Variants in SLC20A2 observed in about 807,000 individuals in gnomAD.
The protein encoded by SLC20A2 is sodium-dependent phosphate transporter 2.
In SLC20A2, 30 loss-of-function variants were observed where a neutral mutation model predicts 61.0. That is an observed-to-expected ratio of 0.49 (90% confidence interval 0.37 to 0.67). SLC20A2 has a LOEUF of 0.67. Ranked by LOEUF, SLC20A2 falls within the 30% of genes least tolerant of loss-of-function variation. The pLI is 0.00. For synonymous variants in SLC20A2, 351 were observed against 353.3 expected (o/e 0.99, Z 0.07); for missense variants, 626 against 866.4 (o/e 0.72, Z 3.48).
At chr8:42,451,171 GAGA>G (rs1456277332) in intron 5 of SLC20A2, among the ~76,000 whole-genome samples, 1 of 151,480 alleles carries the variant, frequency 6.6e-6, no homozygotes, top group African/African-American at 2.4e-5. Context: ...GGTGGAAGAA[GAGA>G]AGGAGGAGGA....
chr8:42,536,801 C>T (rs1812730251), intron 1 of SLC20A2, among the ~76,000 whole-genome samples: 1 of 152,124 alleles, frequency 6.6e-6, no homozygotes, highest in African/African-American at 2.4e-5. Flanking sequence ...AGGTTGGGCA[C>T]AGTGGTTCAC....
At chr8:42,429,287 A>G (rs1442017914) in intron 9 of SLC20A2, among the ~76,000 whole-genome samples, 3 of 152,216 alleles carry the variant, frequency 2.0e-5, no homozygotes, top group African/African-American at 7.2e-5. Context: ...GAGAACTTAA[A>G]ACTAGAAATT....
chr8:42,495,931 G>A (rs1809893276), intron 1 of SLC20A2, among the ~76,000 whole-genome samples: 1 of 151,824 alleles, frequency 6.6e-6, no homozygotes, highest in African/African-American at 2.4e-5. Flanking sequence ...TGTATTTTTG[G>A]TAGAGAGGGG....
chr8:42,504,852 CAAAAAAAAAAAAA>C (rs771127709), upstream of SLC20A2, among the ~76,000 whole-genome samples: 17 of 16,494 alleles, frequency 1.0e-3, no homozygotes, highest in South Asian at 0.014. Context: ...GACTCCGTCT[CAAAAAAAAAAAAA>C]AAAAAAAAAA....
At chr8:42,529,475 G>A (rs1455323566) in intron 1 of SLC20A2, among the ~76,000 whole-genome samples, 1 of 152,124 alleles carries the variant, frequency 6.6e-6, no homozygotes, top group African/African-American at 2.4e-5. Flanking sequence ...ATGGGTTAAT[G>A]TATGTCAAGA....
chr8:42,431,462 A>G (rs1803864035), intron 8 of SLC20A2, among the ~76,000 whole-genome samples: 2 of 152,254 alleles, frequency 1.3e-5, no homozygotes, highest in African/African-American at 2.4e-5. Flanking sequence ...TTAAGGAAAG[A>G]AGCCATCCTC....
chr8:42,516,953 A>T (rs1307436956), intron 1 of SLC20A2, among the ~76,000 whole-genome samples: 4 of 151,576 alleles, frequency 2.6e-5, no homozygotes, highest in Non-Finnish European at 5.9e-5. Flanking sequence ...GCCTCAATAA[A>T]CTCTGAGCTA....
intron 5 of SLC20A2, among the ~76,000 whole-genome samples, chr8:42,451,896 A>G (rs868153978): frequency 3.5e-4 from 42 of 118,626 alleles, no homozygotes; most frequent in East Asian, 8.8e-4. Flanking sequence ...ATGAAGAGGA[A>G]GAGGAAGAGA....
intron 1 of SLC20A2, chr8:42,537,805 T>G (rs1812804360): frequency 6.6e-6 from 1 of 152,212 alleles, no homozygotes. Flanking sequence ...CTTACGCTAC[T>G]TTGAAATTTT....
At chr8:42,512,196 T>C (rs1811069815) in intron 1 of SLC20A2, among the ~76,000 whole-genome samples, 1 of 152,176 alleles carries the variant, frequency 6.6e-6, no homozygotes, top group Non-Finnish European at 1.5e-5. Context: ...ATTTCCCACT[T>C]CTTTGACTCA....
At chr8:42,531,243 G>A (rs556999426) in intron 1 of SLC20A2, among the ~76,000 whole-genome samples, 55 of 152,150 alleles carry the variant, frequency 3.6e-4, no homozygotes, top group Non-Finnish European at 6.8e-4. Context: ...GTGGCTTTGC[G>A]GCCATTCTTT....
chr8:42,457,106 T>G (rs1806276803), intron 5 of SLC20A2, among the ~76,000 whole-genome samples: 1 of 151,900 alleles, frequency 6.6e-6, no homozygotes, highest in African/African-American at 2.4e-5. Context: ...GTATTTTTAG[T>G]AGAGATGGGG....
chr8:42,534,699 G>A lies in SLC20A2; in HGVS notation c.-265+7122C>T, dbSNP rs1169801129. 4 of 152,304 alleles carry A rather than the reference G, an allele frequency of 2.6e-5. No individual in the cohort carries two copies. The South Asian group carries it at 8.3e-4, about 32-fold the overall frequency. 9.4% of individuals were successfully genotyped at this position (152,304 alleles called of 1,614,324 possible). A position where few individuals can be genotyped will look rare whatever the true frequency, so the allele number is the denominator to read the frequency against. On this transcript the variant is annotated intron_variant, in intron 1 of 10. Coordinates refer to the SLC20A2 transcript ENST00000342228. ...AAAAACGTAGGCATATACAGAGGCT[G>A]GGAGTAGATAAAGGTGAAATTAAAG...
intron 1 of SLC20A2, among the ~76,000 whole-genome samples, chr8:42,514,979 T>A (rs1811246049): frequency 6.6e-6 from 1 of 152,174 alleles, no homozygotes; most frequent in South Asian, 2.1e-4. Flanking sequence ...GATGACACTA[T>A]CACTTCTAGT....
intron 8 of SLC20A2, among the ~76,000 whole-genome samples, chr8:42,433,271 C>T (rs1373582144): frequency 1.3e-5 from 2 of 152,170 alleles, no homozygotes; most frequent in East Asian, 3.8e-4. Flanking sequence ...ATCCTACTTT[C>T]TAGTTCTAGG....
At chr8:42,496,807 C>G (rs1319400714) in intron 1 of SLC20A2, among the ~76,000 whole-genome samples, 2 of 152,176 alleles carry the variant, frequency 1.3e-5, no homozygotes, top group African/African-American at 2.4e-5. Context: ...TCCTTGCAGC[C>G]CCCTCTCTTC....
intron 2 of SLC20A2, among the ~76,000 whole-genome samples, chr8:42,466,849 T>C (rs1410046275): frequency 6.7e-6 from 1 of 149,998 alleles, no homozygotes; most frequent in Non-Finnish European, 1.5e-5. Context: ...TTAAATTTTT[T>C]TGCAGAGACA....
intron 1 of SLC20A2, among the ~76,000 whole-genome samples, chr8:42,478,030 T>C (rs1195754295): frequency 6.1e-5 from 9 of 148,752 alleles, no homozygotes; most frequent in Non-Finnish European, 1.2e-4. Flanking sequence ...GGACTACAGG[T>C]GCACACCACC....
chr8:42,537,939 C>T (rs919164476), intron 1 of SLC20A2: 3 of 152,166 alleles, frequency 2.0e-5, no homozygotes, highest in Non-Finnish European at 2.9e-5. Flanking sequence ...ATTTCCGGTA[C>T]GATCTTGAGC....
Sources: allele counts gnomAD v4.1 joint callset (sites outside exome capture counted in the v4.1 genomes callset), GRCh38; gene constraint gnomAD v4.1.1; transcripts MANE v1.5; gene names NCBI Gene and HGNC (gene_info 2026-07-23, HGNC 2026-07-21).